The following ODAM variants were observed in gnomAD, a reference collection of about 807,000 sequenced individuals.
ODAM encodes the protein odontogenic, ameloblast associated.
A neutral mutation model predicts 48.5 loss-of-function variants in ODAM; 55 were observed. That is an observed-to-expected ratio of 1.13 (90% CI 0.91 to 1.42). The LOEUF (loss-of-function observed/expected upper bound fraction) is 1.42. Among genes scored for constraint, ODAM ranks in the 40% most tolerant of loss-of-function variants. ODAM has a pLI of 0.00. For synonymous variants in ODAM, 127 were observed against 107.8 expected, an observed-to-expected ratio of 1.18 and a Z score of -1.10; for missense variants, 353 against 323.6, an observed-to-expected ratio of 1.09 and a Z score of -0.70.
At chr4:70,196,944 G>T (rs1185344092) in intron 3 of ODAM, among the ~76,000 whole-genome samples, 1 of 151,846 alleles carries the variant, frequency 6.6e-6, no homozygotes, top group Non-Finnish European at 1.5e-5. Context: ...TTCTTCAAAG[G>T]CGGATACAAT....
At chr4:70,202,228 T>C (rs940623556) in intron 8 of ODAM, 30 bp from the exon 9 acceptor site, 1 of 1,577,150 alleles carries the variant, frequency 6.3e-7, no homozygotes, top group African/African-American at 1.3e-5. Context: ...ATCACTGATT[T>C]AGACTTTTTA....
intron 10 of ODAM, 94 bp downstream of exon 10, chr4:70,203,011 T>C: frequency 2.2e-6 from 3 of 1,381,140 alleles, no homozygotes; most frequent in Admixed American, 4.2e-5. Context: ...GACTTAGTCA[T>C]GAAATTAAGA....
chr4:70,203,032 T>A (rs1729541397), intron 10 of ODAM, 115 bp downstream of exon 10: 5 of 1,304,914 alleles, frequency 3.8e-6, no homozygotes, highest in African/African-American at 1.5e-5. Flanking sequence ...AGATAACTAA[T>A]GAAAAATATG....
At chr4:70,199,579 T>C (rs1443473618) in intron 6 of ODAM, among the ~76,000 whole-genome samples, 3 of 152,008 alleles carry the variant, frequency 2.0e-5, no homozygotes, top group African/African-American at 4.8e-5. Flanking sequence ...CCTTTAACCA[T>C]GAAACCAGTA....
Position 70,203,194 on chromosome 4 carries a change from C to T in ODAM, c.*9C>T, listed in dbSNP as rs763484056. On this transcript the variant is annotated 3_prime_UTR_variant, in exon 11 of 12. Coordinates refer to ENST00000683306, the MANE Select transcript of ODAM (RefSeq NM_017855.4). ...GCCTAAGGGAACCATAAGAAGTTGC[C>T]CTGATCATTCAGACATTTTGGTAGG... 1.4e-5 allele frequency: 22 copies of T among 1,594,782 alleles called. No homozygotes were observed. Among genetic ancestry groups the T allele is most frequent in the Non-Finnish European group, 1.9e-5 (22 of 1,164,250 alleles).
At chr4:70,199,841 T>C (rs528764327) in intron 6 of ODAM, among the ~76,000 whole-genome samples, 2 of 151,958 alleles carry the variant, frequency 1.3e-5, no homozygotes, top group Non-Finnish European at 2.9e-5. Context: ...AAAAACAGCA[T>C]ACAAAAATTA....
intron 6 of ODAM, 119 bp downstream of exon 6, chr4:70,198,745 G>A: frequency 1.3e-6 from 1 of 792,718 alleles, no homozygotes; most frequent in Non-Finnish European, 2.1e-6. Context: ...TGATATCACT[G>A]TCTAGATAAC....
At chr4:70,197,356 A>T (rs1271924999) in intron 4 of ODAM, 35 bp downstream of exon 4, 1 of 1,058,338 alleles carries the variant, frequency 9.4e-7, no homozygotes, top group Middle Eastern at 2.1e-4. Flanking sequence ...TATGGGGAAT[A>T]TTTACCTATT....
chr4:70,200,034 T>C (rs1162493537), intron 6 of ODAM: 34 of 409,078 alleles, frequency 8.3e-5, no homozygotes, highest in Non-Finnish European at 9.4e-5. Context: ...AAAATATATA[T>C]GGATTATTTT....
At chr4:70,199,189 G>A (rs2109817235) in intron 6 of ODAM, among the ~76,000 whole-genome samples, 1 of 151,918 alleles carries the variant, frequency 6.6e-6, no homozygotes, top group East Asian at 1.9e-4. Context: ...ATGCAAACTA[G>A]TATAATCATC....
In ODAM at chr4:70,202,870, A is replaced by G; in HGVS notation, c.763A>G (p.Thr255Ala). ...AAAACCCAGCACAACCAATGTTTTC[A>G]CTTCTGCTGTAGACCAAACTATTAC... ...SPKPSTTNVF[T>A]SAVDQTITPE... is the part of the protein sequence containing the mutation. The change falls in exon 10 of 12, where the codon ACT becomes GCT. Residue 255 changes from threonine (T) to alanine (A), a missense_variant. Coordinates refer to ENST00000683306, the MANE Select transcript of ODAM (RefSeq NM_017855.4). The G allele has an allele frequency of 1.2e-6, 2 of 1,612,354 alleles. No individual in the cohort carries two copies. The highest frequency in any genetic ancestry group is 1.1e-5 in the South Asian group (1 of 91,012).
At chr4:70,198,677 A>C in intron 6 of ODAM, 51 bp downstream of exon 6, 4 of 1,400,556 alleles carry the variant, frequency 2.9e-6, no homozygotes, top group Non-Finnish European at 4.0e-6. Flanking sequence ...TACACTCTCC[A>C]CAATGCTTTC....
intron 11 of ODAM, among the ~76,000 whole-genome samples, 166 bp from the exon 12 acceptor site, chr4:70,204,009 A>G (rs1197444868): frequency 6.6e-6 from 1 of 152,004 alleles, no homozygotes; most frequent in African/African-American, 2.4e-5. Flanking sequence ...ATTCAGTAAG[A>G]AATACTAAAG....
chr4:70,198,528 T>C (rs1428678404), intron 5 of ODAM, 51 bp from the exon 6 acceptor site: 2 of 1,411,882 alleles, frequency 1.4e-6, no homozygotes, highest in African/African-American at 1.5e-5. Flanking sequence ...TCAGGGATTT[T>C]TAAATAACAA....
rs1430653530 is a variant in ODAM, at chr4:70,200,508, C to T, written c.435C>T (p.Tyr145=). 1.0e-5 allele frequency: 16 copies of T among 1,596,842 alleles called. No individual in the cohort carries two copies. The highest frequency in any genetic ancestry group is 1.4e-5 in the Non-Finnish European group (16 of 1,166,218). Residue 145 remains tyrosine, a synonymous_variant, in exon 7 of 12, where the codon TAC becomes TAT. Coordinates refer to ENST00000683306, the MANE Select transcript of ODAM (RefSeq NM_017855.4). Reference sequence around the variant, plus strand: ...CTTTTTACAAGTAGATGTTTCAATACTATCCAGTTTACATGGTCCTACCCT... The same window carrying T: ...CTTTTTACAAGTAGATGTTTCAATATTATCCAGTTTACATGGTCCTACCCT... ...MPQEQGQMFQ[Y]YPVYMVLPWE...
intron 6 of ODAM, chr4:70,200,226 GAA>G (rs34093806): frequency 0.034 from 9,383 of 275,822 alleles, 3 homozygotes; most frequent in South Asian, 0.082. Flanking sequence ...GATGTCCTTT[GAA>G]AAAAAAAAAA....
intron 8 of ODAM, 35 bp from the exon 9 acceptor site, chr4:70,202,222 CT>C (rs1207630418): frequency 5.2e-6 from 8 of 1,541,362 alleles, no homozygotes; most frequent in Non-Finnish European, 7.2e-6. Context: ...TCAACGATCA[CT>C]GATTTAGACT....
intron 8 of ODAM, 140 bp downstream of exon 8, chr4:70,201,641 C>G: frequency 3.2e-6 from 2 of 623,376 alleles, no homozygotes; most frequent in Non-Finnish European, 5.8e-6. Flanking sequence ...CCACTCAGTA[C>G]AAGGAGGAGA....
intron 9 of ODAM, 137 bp downstream of exon 9, chr4:70,202,466 G>A (rs1470272797): frequency 3.9e-6 from 3 of 775,188 alleles, no homozygotes; most frequent in Non-Finnish European, 6.5e-6. Context: ...ACAATATTTT[G>A]CCAGTAAAGA....
Sources: allele counts gnomAD v4.1 joint callset (sites outside exome capture counted in the v4.1 genomes callset), GRCh38; gene constraint gnomAD v4.1.1; transcripts MANE v1.5; gene names NCBI Gene and HGNC (gene_info 2026-07-23, HGNC 2026-07-21).